Variants in LOXHD1 observed in about 807,000 individuals in gnomAD.
LOXHD1 encodes the protein lipoxygenase homology PLAT domains 1.
Under a neutral mutation model 248.2 loss-of-function variants are expected in LOXHD1, and 205 were observed. The ratio of observed to expected loss-of-function variants is 0.83; its 90% CI spans 0.74 to 0.93. LOXHD1 has a LOEUF of 0.93. LOXHD1 is among the 40% of genes least tolerant of loss of function. The pLI is 0.00. For synonymous variants in LOXHD1, 1,113 were observed against 1,162.8 expected (o/e 0.96, Z 0.87); for missense variants, 2,930 against 2,971.6 (o/e 0.99, Z 0.33).
At chr18:46,595,268 T>C (rs1293437721) in intron 8 of LOXHD1, among the ~76,000 whole-genome samples, 2 of 152,138 alleles carry the variant, frequency 1.3e-5, no homozygotes, top group Non-Finnish European at 2.9e-5. Flanking sequence ...CTATTGACCA[T>C]TGTGATGAAC....
intron 5 of LOXHD1, among the ~76,000 whole-genome samples, chr18:46,615,746 A>T (rs901598374): frequency 2.0e-5 from 3 of 152,194 alleles, no homozygotes; most frequent in African/African-American, 7.2e-5. Flanking sequence ...CACTCATACT[A>T]AATTTGTATG....
intron 3 of LOXHD1, among the ~76,000 whole-genome samples, chr18:46,640,971 T>C (rs2038955503): frequency 6.6e-6 from 1 of 152,066 alleles, no homozygotes; most frequent in Non-Finnish European, 1.5e-5. Context: ...ATGAAACCCA[T>C]GATACACCAG....
chr18:46,508,865 T>C lies in LOXHD1; in HGVS notation c.5517+833A>G, dbSNP rs1374951496. Among the ~76,000 whole-genome samples the C allele has an allele frequency of 2.0e-5, 3 of 152,050 alleles. No individual in the cohort carries two copies. The East Asian group carries it at 5.8e-4, about 29-fold the overall frequency. On this transcript the variant is annotated intron_variant, in intron 35 of 40. Coordinates refer to ENST00000642948, the MANE Select transcript of LOXHD1 (RefSeq NM_001384474.1). ...AACATCACAGTGGTTCTCATCAAAATGAGTGCAGCTTGGCCCTATGCCGTG... is the reference window on the plus strand; with the variant it reads ...AACATCACAGTGGTTCTCATCAAAACGAGTGCAGCTTGGCCCTATGCCGTG...
intron 25 of LOXHD1, among the ~76,000 whole-genome samples, chr18:46,538,767 A>T (rs913388408): frequency 6.6e-6 from 1 of 152,188 alleles, no homozygotes; most frequent in Non-Finnish European, 1.5e-5. Context: ...CTCCACAAAC[A>T]AGAGCACTAG....
intron 14 of LOXHD1, among the ~76,000 whole-genome samples, chr18:46,574,793 G>A (rs1006115112): frequency 6.6e-6 from 1 of 152,036 alleles, no homozygotes; most frequent in African/African-American, 2.4e-5. Flanking sequence ...GACACATGCT[G>A]GCCAGGAAGG....
chr18:46,524,741 C>G lies in LOXHD1; in HGVS notation c.4707G>C (p.Glu1569Asp). The G allele has an allele frequency of 6.4e-7, 1 of 1,551,780 alleles. No homozygotes were observed. The highest frequency in any genetic ancestry group is 8.7e-7 in the Non-Finnish European group (1 of 1,147,016). ...LCGRWLSLKK[E>D]DGRLERLFYE... is the part of the protein sequence containing the mutation. ...AAAAGAGCCTCTCGAGTCGCCCATC[C>G]TCCTTCTTCAGGGAGAGCCAGCGCC... Residue 1569 changes from glutamate (E) to aspartate (D), a missense_variant, in exon 30 of 41, where the codon GAG becomes GAC. Coordinates refer to ENST00000642948, the MANE Select transcript of LOXHD1 (RefSeq NM_001384474.1).
chr18:46,544,179 A>C (rs1886373668), intron 23 of LOXHD1, among the ~76,000 whole-genome samples: 1 of 152,188 alleles, frequency 6.6e-6, no homozygotes, highest in Non-Finnish European at 1.5e-5. Flanking sequence ...GTATACAGAG[A>C]GATAGACAGA....
intron 2 of LOXHD1, among the ~76,000 whole-genome samples, chr18:46,642,715 G>A (rs1042905511): frequency 3.3e-5 from 5 of 152,242 alleles, no homozygotes; most frequent in Non-Finnish European, 7.3e-5. Context: ...TAAGTACAGT[G>A]AGCATAGACA....
chr18:46,503,366 T>A (rs1257177489), intron 37 of LOXHD1, among the ~76,000 whole-genome samples: 1 of 152,172 alleles, frequency 6.6e-6, no homozygotes, highest in Non-Finnish European at 1.5e-5. Flanking sequence ...CTTACTAATC[T>A]GATCTGTCAA....
At chr18:46,651,783 C>T (rs652929) in intron 1 of LOXHD1, among the ~76,000 whole-genome samples, 9 of 151,992 alleles carry the variant, frequency 5.9e-5, no homozygotes, top group African/African-American at 1.9e-4. Context: ...CAAAAATTCA[C>T]ATCAATCAAT....
intron 4 of LOXHD1, among the ~76,000 whole-genome samples, chr18:46,632,300 TA>T (rs1836672592): frequency 6.6e-6 from 1 of 152,212 alleles, no homozygotes; most frequent in Admixed American, 6.5e-5. Flanking sequence ...CATGATGCTC[TA>T]CAGTCTCCTT....
intron 29 of LOXHD1, among the ~76,000 whole-genome samples, chr18:46,527,565 C>G (rs1444698847): frequency 6.6e-6 from 1 of 152,226 alleles, no homozygotes; most frequent in Admixed American, 6.5e-5. Context: ...AGTGTCAGAG[C>G]CACGATCTGA....
chr18:46,560,662 G>A, intron 18 of LOXHD1, 117 bp from the exon 19 acceptor site: 1 of 939,744 alleles, frequency 1.1e-6, no homozygotes, highest in Non-Finnish European at 1.6e-6. Flanking sequence ...GCAGGATGGA[G>A]AGGGCTGGGG....
chr18:46,517,188 T>C (rs1411643182), intron 34 of LOXHD1, among the ~76,000 whole-genome samples: 1 of 152,026 alleles, frequency 6.6e-6, no homozygotes, highest in Non-Finnish European at 1.5e-5. Context: ...GCCAGGGATG[T>C]TTGGGGGACA....
At position 46,610,823 on chromosome 18, in the gene LOXHD1, C is replaced by T. The variant is rs2038496917; in HGVS notation, c.712G>A (p.Val238Ile). 1.9e-6 allele frequency: 3 copies of T among 1,551,732 alleles called. No homozygotes were observed. Among genetic ancestry groups the T allele is most frequent in the Non-Finnish European group, 2.6e-6 (3 of 1,146,992 alleles). The change falls in exon 6 of 41, where the codon GTT (valine) becomes ATT (isoleucine). Residue 238 changes from valine to isoleucine, a missense_variant. Physicochemically the swap from Val to Ile is conservative, Grantham distance 29 (BLOSUM62 3). Coordinates refer to ENST00000642948, the MANE Select transcript of LOXHD1 (RefSeq NM_001384474.1). ...GAGCCCCCCTTATTGTTGTGGCCAA[C>T]ATTGATCTTCATCAGCTGCCCCAAA... The part of the protein sequence containing the change: ...PDLGQLMKIN[V>I]GHNNKGGSAG...
chr18:46,591,193 AATACT>A (rs1301635806), intron 12 of LOXHD1, among the ~76,000 whole-genome samples: 1 of 152,214 alleles, frequency 6.6e-6, no homozygotes. Context: ...GTAATGTTGC[AATACT>A]ATTTTCCTGC....
chr18:46,547,368 C>CG (rs1389346839), intron 21 of LOXHD1, among the ~76,000 whole-genome samples: 1 of 152,166 alleles, frequency 6.6e-6, no homozygotes, highest in Non-Finnish European at 1.5e-5. Context: ...GAGGGACATA[C>CG]GGGGACCTTT....
rs1315954055 is a variant in LOXHD1 at position 46,601,517 on chromosome 18, A to G, written c.884-50T>C. ...GAGTGTTCAATGTGAGCTGCATCAT[A>G]ATATCCCACCCCCTCCTCCCCTTCC... On this transcript the variant is annotated intron_variant, in intron 7 of 40. Transcript: ENST00000642948. The G allele has an allele frequency of 1.9e-6, 3 of 1,551,010 alleles. No individual in the cohort carries two copies. In the Admixed American group the frequency reaches 5.9e-5, roughly 30 times the overall value.
intron 19 of LOXHD1, among the ~76,000 whole-genome samples, 197 bp downstream of exon 19, chr18:46,559,886 C>T (rs2037475703): frequency 6.6e-6 from 1 of 152,218 alleles, no homozygotes; most frequent in Admixed American, 6.5e-5. Context: ...GAACAAGCGC[C>T]ATGCTTATCC....
Sources: allele counts gnomAD v4.1 joint callset (sites outside exome capture counted in the v4.1 genomes callset), GRCh38; gene constraint gnomAD v4.1.1; transcripts MANE v1.5; gene names NCBI Gene and HGNC (gene_info 2026-07-23, HGNC 2026-07-21).